Variants in PRSS36 observed in about 807,000 individuals in gnomAD.
PRSS36 encodes serine protease 36, also known as polyserase-2.
Under a neutral mutation model 94.3 loss-of-function variants are expected in PRSS36, and 90 were observed. The observed-to-expected ratio is 0.95, with a 90% CI of 0.80 to 1.14. PRSS36 has a LOEUF of 1.14. PRSS36 is among the 50% of genes most tolerant of loss of function. PRSS36 has a pLI of 0.00. For synonymous variants in PRSS36, 500 were observed against 489.6 expected, an observed-to-expected ratio of 1.02 and a Z score of -0.28; for missense variants, 1,158 against 1,135.0, an observed-to-expected ratio of 1.02 and a Z score of -0.29.
chr16:31,139,476 T>A lies in PRSS36; in HGVS notation c.2290-60A>T. Reference sequence around the variant, plus strand: ...GCCCTTCCTCTTGGTCCCCTCCCCCTTTCCCCAGGGTCTGGCCACGAAGCA... The same window carrying A: ...GCCCTTCCTCTTGGTCCCCTCCCCCATTCCCCAGGGTCTGGCCACGAAGCA... On this transcript the variant is annotated intron_variant, in intron 14 of 14. Coordinates refer to ENST00000268281, the MANE Select transcript of PRSS36 (RefSeq NM_173502.5). 3.2e-6 allele frequency: 5 copies of A among 1,565,242 alleles called. No homozygotes were observed. The South Asian group carries it at 6.0e-5, about 19-fold the overall frequency.
intron 10 of PRSS36, 85 bp downstream of exon 10, chr16:31,142,396 A>C: frequency 1.5e-6 from 2 of 1,333,084 alleles, no homozygotes; most frequent in Middle Eastern, 2.8e-4. Flanking sequence ...CCTAGAGCCC[A>C]CTTGGACTCG....
At chr16:31,145,506 T>C (rs772235313) in intron 6 of PRSS36, among the ~76,000 whole-genome samples, 1 of 151,712 alleles carries the variant, frequency 6.6e-6, no homozygotes, top group African/African-American at 2.4e-5. Flanking sequence ...GGTGCATGCC[T>C]GTAATCTCAG....
chr16:31,142,475 G>T lies in PRSS36; in HGVS notation c.1521+6C>A, dbSNP rs1423193783. The T allele has an allele frequency of 1.2e-5, 17 of 1,450,280 alleles. No individual in the cohort carries two copies. The highest frequency in any genetic ancestry group is 1.5e-5 in the Non-Finnish European group (16 of 1,103,104). 89.8% of individuals were successfully genotyped at this position (1,450,280 alleles called of 1,614,324 possible). On this transcript the variant is annotated splice_donor_region_variant and intron_variant, in intron 10 of 14. Coordinates refer to ENST00000268281, the MANE Select transcript of PRSS36 (RefSeq NM_173502.5). ...GCGTTCCGCGGGCCCCGCCCCCGCC[G>T]CTTACCCAGCAGCTGCCCACCTCCT... is the stretch of plus-strand genomic sequence containing the variant.
Position 31,145,870 on chromosome 16 carries a change from G to C in PRSS36, c.639C>G (p.Pro213=), listed in dbSNP as rs200651342. 4 of 1,614,140 alleles carry C rather than the reference G, an allele frequency of 2.5e-6. No homozygotes were observed. Among genetic ancestry groups the C allele is most frequent in the African/African-American group, 2.7e-5 (2 of 75,076 alleles). Residue 213 remains proline (P), a synonymous_variant, in exon 6 of 15, where the codon CCC becomes CCG. Coordinates refer to ENST00000268281, the MANE Select transcript of PRSS36 (RefSeq NM_173502.5). ...EATCQCLYSQ[P]GPFNLTLQIL... is the part of the protein sequence containing the mutation. ...TCTGGAGAGTGAGGTTGAAGGGACCGGGCTGGCTGTAGAGACATTGACAGG... is the reference window on the plus strand; with the variant it reads ...TCTGGAGAGTGAGGTTGAAGGGACCCGGCTGGCTGTAGAGACATTGACAGG...
At position 31,150,028 on chromosome 16, in the gene PRSS36, C is replaced by T. The variant is rs374152172; in HGVS notation, c.8G>A (p.Arg3Gln). Residue 3 changes from arginine (R) to glutamine (Q), a missense_variant, in exon 1 of 15, where the codon CGG becomes CAG. Physicochemically the swap from Arg to Gln is conservative, Grantham distance 43. Transcript: ENST00000268281. MA[R>Q]HLLLPLVMLV... is the part of the protein sequence containing the mutation. Reference sequence around the variant, plus strand: ...CATCACAAGGGGGAGGAGCAGGTGCCGGGCCATGGCGCTAGAGTCAGCGGA... The same window carrying T: ...CATCACAAGGGGGAGGAGCAGGTGCTGGGCCATGGCGCTAGAGTCAGCGGA... 47 of 1,613,732 alleles carry T rather than the reference C, an allele frequency of 2.9e-5. No individual in the cohort carries two copies. Among genetic ancestry groups the T allele is most frequent in the South Asian group, 1.6e-4 (15 of 91,062 alleles).
chr16:31,149,979 C>T lies in PRSS36; in HGVS notation c.37+20G>A, dbSNP rs772729642. ...CCAGGACCCAGGCCCTTTGCAGCCACTCTTGTCCCCTGAGGTTACCAAGCA... is the reference window on the plus strand; with the variant it reads ...CCAGGACCCAGGCCCTTTGCAGCCATTCTTGTCCCCTGAGGTTACCAAGCA... On this transcript the variant is annotated intron_variant, in intron 1 of 14. Transcript: ENST00000268281. 1.9e-6 allele frequency: 3 copies of T among 1,613,490 alleles called. No homozygotes were observed. The highest frequency in any genetic ancestry group is 2.2e-5 in the East Asian group (1 of 44,902).
Position 31,149,451 on chromosome 16 carries a change from C to T in PRSS36, c.109+12G>A. The stretch of plus-strand genomic sequence containing the variant: ...CCTTTAAGGTCTGAGGGTGCCAAGG[C>T]CTCTTCCTTACCCAGATCTTCAGGT... On this transcript the variant is annotated intron_variant, in intron 3 of 14. Transcript: ENST00000268281. The T allele has an allele frequency of 1.9e-6, 3 of 1,614,098 alleles. No individual in the cohort carries two copies. The highest frequency in any genetic ancestry group is 2.5e-6 in the Non-Finnish European group (3 of 1,179,988).
rs781033900 is a variant in PRSS36 at position 31,145,929 on chromosome 16, G to A, written c.580C>T (p.Gln194Ter). ...ADPLPLPWVL[Q>*]EVELRLLGEA... ...CCCAGCAGCCTTAGCTCCACTTCCT[G>A]TAGCACCCAGGGGAGAGGCAGAGGA... The change falls in exon 6 of 15, where the codon CAG (glutamine) becomes TAG (stop). Residue 194 changes from glutamine (Q) to a stop codon, truncating the protein, a stop_gained. Transcript: ENST00000268281. LOFTEE classifies it high-confidence loss of function. The A allele has an allele frequency of 3.7e-6, 6 of 1,613,432 alleles. No individual in the cohort carries two copies.
chr16:31,139,977 G>A (rs539256332), intron 14 of PRSS36, among the ~76,000 whole-genome samples: 3 of 150,612 alleles, frequency 2.0e-5, no homozygotes, highest in African/African-American at 7.3e-5. Context: ...GGCGGATCAC[G>A]AGATCAGATC....
chr16:31,140,234 GGTACAGTA>G, intron 14 of PRSS36, 52 bp downstream of exon 14: 24 of 1,529,514 alleles, frequency 1.6e-5, no homozygotes, highest in Non-Finnish European at 2.0e-5. Flanking sequence ...ATCTCTCTAG[GGTACAGTA>G]GTCCAACACT....
At position 31,139,403 on chromosome 16, in the gene PRSS36, G is replaced by T. The variant is rs775652137; in HGVS notation, c.2303C>A (p.Pro768Gln). ...QENRCEMTSA[P>Q]PLLCQMTEGS... Reference sequence around the variant, plus strand: ...TTCCGTCATCTGGCACAGGAGGGGCGGTGCTGAGGTCATCTGCAGAGTTGG... The same window carrying T: ...TTCCGTCATCTGGCACAGGAGGGGCTGTGCTGAGGTCATCTGCAGAGTTGG... Residue 768 changes from proline (P) to glutamine (Q), a missense_variant, in exon 15 of 15, where the codon CCG becomes CAG. Transcript: ENST00000268281. 2 of 1,613,338 alleles carry T rather than the reference G, an allele frequency of 1.2e-6. No individual in the cohort carries two copies. The highest frequency in any genetic ancestry group is 3.3e-5 in the Admixed American group (2 of 59,968).
Position 31,141,801 on chromosome 16 carries a change from CCT to C in PRSS36, c.1679_1680del (p.Glu560GlyfsTer10), listed in dbSNP as rs1479572624. 2 of 1,614,064 alleles carry C rather than the reference CCT, an allele frequency of 1.2e-6. No individual in the cohort carries two copies. Among genetic ancestry groups the C allele is most frequent in the Non-Finnish European group, 1.7e-6 (2 of 1,180,036 alleles). On this transcript the variant is annotated frameshift_variant, in exon 11 of 15. Coordinates refer to ENST00000268281, the MANE Select transcript of PRSS36 (RefSeq NM_173502.5). LOFTEE classifies it high-confidence loss of function. ...GGGCCCCAATCCCAGGCTAGCTGGT[CCT>C]CCAGGTAGGCTCCCCGAGTCACATG... ...ISHVTRGAYL[E>X]DQLAWDWGPD... is the part of the protein sequence containing the mutation.
intron 6 of PRSS36, 105 bp downstream of exon 6, chr16:31,145,684 A>G (rs1156818087): frequency 4.3e-6 from 5 of 1,160,678 alleles, no homozygotes; most frequent in East Asian, 2.5e-5. Context: ...TCCCTTGGCA[A>G]TCTTGCCCTC....
chr16:31,141,199 G>C (rs1266045039), intron 12 of PRSS36, among the ~76,000 whole-genome samples: 2 of 152,150 alleles, frequency 1.3e-5, no homozygotes, highest in African/African-American at 4.8e-5. Context: ...TAGGATTACA[G>C]GTGTGAACCA....
At position 31,149,358 on chromosome 16, in the gene PRSS36, A is replaced by G. The variant is rs1014295170; in HGVS notation, c.109+105T>C. ...GTTTGCCCCTCTGAACAAAGAACATAGAGGACCCAGGCTTGTCTACATTTC... is the reference window on the plus strand; with the variant it reads ...GTTTGCCCCTCTGAACAAAGAACATGGAGGACCCAGGCTTGTCTACATTTC... On this transcript the variant is annotated intron_variant, in intron 3 of 14. Coordinates refer to ENST00000268281, the MANE Select transcript of PRSS36 (RefSeq NM_173502.5). The G allele has an allele frequency of 1.9e-6, 3 of 1,545,304 alleles. No homozygotes were observed. In the African/African-American group the frequency reaches 4.1e-5, roughly 21 times the overall value.
chr16:31,143,869 A>G, intron 6 of PRSS36, 32 bp from the exon 7 acceptor site: 1 of 1,611,290 alleles, frequency 6.2e-7, no homozygotes, highest in Non-Finnish European at 8.5e-7. Flanking sequence ...TCAAGGGGTC[A>G]GCCCAGGGAC....
chr16:31,145,603 C>T (rs1212703108), intron 6 of PRSS36, among the ~76,000 whole-genome samples, 186 bp downstream of exon 6: 1 of 152,160 alleles, frequency 6.6e-6, no homozygotes, highest in Admixed American at 6.5e-5. Context: ...TGCGCCACTG[C>T]AGTCCAGCCT....
In PRSS36 at chr16:31,143,004, G is replaced by GGGGCCGAGGGACGT. The variant is rs1185109867; in HGVS notation, c.1101-25_1101-12dup. ...TCGGAGCTGTTCGGGCTGCGGGATGGGGGCCGAGGGACGTGGGCCGGATCC... is the reference window on the plus strand; with the variant it reads ...TCGGAGCTGTTCGGGCTGCGGGATGGGGGCCGAGGGACGTGGGCCGAGGGACGTGGGCCGGATCC... On this transcript the variant is annotated splice_polypyrimidine_tract_variant and intron_variant, in intron 8 of 14. Coordinates refer to ENST00000268281, the MANE Select transcript of PRSS36 (RefSeq NM_173502.5). 11 of 1,378,102 alleles carry GGGGCCGAGGGACGT rather than the reference G, an allele frequency of 8.0e-6. No homozygotes were observed. The highest frequency in any genetic ancestry group is 9.3e-6 in the Non-Finnish European group (10 of 1,070,264). The allele number at this position is 1,378,102 out of a possible 1,614,324, so 85.4% of individuals were successfully genotyped here. A position where few individuals can be genotyped will look rare whatever the true frequency, so the allele number is the denominator to read the frequency against.
chr16:31,140,173 G>C, intron 14 of PRSS36, 121 bp downstream of exon 14: 2 of 1,124,690 alleles, frequency 1.8e-6, no homozygotes, highest in South Asian at 3.9e-5. Flanking sequence ...CTGGGGGACA[G>C]AGTGAGACTC....
Sources: gnomAD v4.1 joint callset for allele counts (sites outside exome capture counted in the v4.1 genomes callset) on GRCh38, gnomAD v4.1.1 for gene constraint, MANE v1.5 for transcripts, NCBI Gene and HGNC (gene_info 2026-07-23, HGNC 2026-07-21) for gene names.